The following SMARCA5 variants were observed in gnomAD, a reference collection of about 807,000 sequenced individuals.
SMARCA5 encodes the protein SWI/SNF-related matrix-associated actin-dependent regulator of chromatin subfamily A member 5.
A neutral mutation model predicts 140.4 loss-of-function variants in SMARCA5; 18 were observed. The ratio of observed to expected loss-of-function variants is 0.13; its 90% CI spans 0.09 to 0.19. The LOEUF (loss-of-function observed/expected upper bound fraction) is 0.19, where lower values mean the gene tolerates loss of function less well. SMARCA5 is among the 10% of genes least tolerant of loss of function. The pLI, the probability that SMARCA5 is intolerant of heterozygous loss-of-function variation, is 1.00. For missense variants in SMARCA5, 606 were observed against 1,276.8 expected, an observed-to-expected ratio of 0.47 and a Z score of 8.01; for synonymous variants, 449 against 419.6, an observed-to-expected ratio of 1.07 and a Z score of -0.86.
In SMARCA5 at chr4:143,556,456, A is replaced by G. The variant is rs1737759274; in HGVS notation, c.*3272A>G. On this transcript the variant is annotated 3_prime_UTR_variant, in exon 24 of 24. Coordinates refer to ENST00000283131, the MANE Select transcript of SMARCA5 (RefSeq NM_003601.4). Reference sequence around the variant, plus strand: ...TGAAAGGATGTGCTACTATATTTCAAACCAGTAGTTTTGGAGTAGAACATT... The same window carrying G: ...TGAAAGGATGTGCTACTATATTTCAGACCAGTAGTTTTGGAGTAGAACATT... 1 of 152,184 alleles carries G rather than the reference A, an allele frequency of 6.6e-6. No homozygotes were observed. Among genetic ancestry groups the G allele is most frequent in the South Asian group, 2.1e-4 (1 of 4,834 alleles). The allele number at this position is 152,184 out of a possible 1,614,324, so 9.4% of individuals were successfully genotyped here.
At position 143,524,962 on chromosome 4, in the gene SMARCA5, G is replaced by A. The variant is rs79223304; in HGVS notation, c.521-489G>A. On this transcript the variant is annotated intron_variant, in intron 4 of 23. Transcript: ENST00000283131. ...GTATATTTGGTAATTATTCTGGGGA[G>A]CAAAATAAGTAGTATACCCTGAAAG... Among the ~76,000 whole-genome samples the A allele has an allele frequency of 3.7e-3, 559 of 151,422 alleles. 11 individuals carry two copies. The highest frequency in any genetic ancestry group is 6.8e-3 in the East Asian group (35 of 5,156).
intron 2 of SMARCA5, among the ~76,000 whole-genome samples, chr4:143,518,180 A>T (rs1736880834): frequency 6.6e-6 from 1 of 152,140 alleles, no homozygotes; most frequent in African/African-American, 2.4e-5. Context: ...ACATGACATT[A>T]TATTGGAGTC....
At chr4:143,541,824 G>A (rs1348656054) in intron 14 of SMARCA5, among the ~76,000 whole-genome samples, 1 of 151,582 alleles carries the variant, frequency 6.6e-6, no homozygotes, top group Non-Finnish European at 1.5e-5. Flanking sequence ...CACCTGCCGT[G>A]TGTTTCTTGT....
intron 11 of SMARCA5, among the ~76,000 whole-genome samples, chr4:143,537,278 G>A (rs553600494): frequency 1.3e-5 from 2 of 152,152 alleles, no homozygotes; most frequent in Non-Finnish European, 2.9e-5. Context: ...CGAAGCAAAC[G>A]CCAGACACTA....
intron 6 of SMARCA5, among the ~76,000 whole-genome samples, chr4:143,527,589 G>A (rs1035344188): frequency 1.3e-5 from 2 of 151,928 alleles, no homozygotes; most frequent in East Asian, 1.9e-4. Flanking sequence ...AGAATTTCCC[G>A]ATCTAGTGGA....
intron 4 of SMARCA5, 76 bp from the exon 5 acceptor site, chr4:143,525,374 AT>A: frequency 5.8e-6 from 5 of 869,450 alleles, no homozygotes; most frequent in Non-Finnish European, 9.8e-6. Flanking sequence ...GTCAGTAGAT[AT>A]GTGTAGGCTT....
In SMARCA5 at chr4:143,513,811, G is replaced by A. The variant is rs1042536836; in HGVS notation, c.-114G>A. The A allele has an allele frequency of 2.4e-6, 3 of 1,240,100 alleles. No homozygotes were observed. The highest frequency in any genetic ancestry group is 2.3e-5 in the Admixed American group (1 of 43,028). The allele number at this position is 1,240,100 out of a possible 1,614,324, so 76.8% of individuals were successfully genotyped here. A position where few individuals can be genotyped will look rare whatever the true frequency, so the allele number is the denominator to read the frequency against. On this transcript the variant is annotated 5_prime_UTR_variant, in exon 1 of 24. Coordinates refer to ENST00000283131, the MANE Select transcript of SMARCA5 (RefSeq NM_003601.4). ...CGCGGCGCAGGGGAGCGCTCGGGTG[G>A]GAGTCTCGCTCCTCCACCAGTTTAT...
chr4:143,552,638 G>A (rs1363028067), intron 23 of SMARCA5, among the ~76,000 whole-genome samples: 1 of 151,972 alleles, frequency 6.6e-6, no homozygotes, highest in Non-Finnish European at 1.5e-5. Flanking sequence ...TTTACTGTTA[G>A]TCTCTAAGCT....
intron 14 of SMARCA5, among the ~76,000 whole-genome samples, chr4:143,541,861 CTTTT>C (rs559237701): frequency 2.3e-4 from 33 of 145,652 alleles, no homozygotes; most frequent in African/African-American, 8.0e-4. Context: ...CCATGAAACA[CTTTT>C]TTTTTTTTTG....
intron 10 of SMARCA5, among the ~76,000 whole-genome samples, chr4:143,535,638 A>G (rs551594610): frequency 7.2e-5 from 11 of 152,280 alleles, no homozygotes; most frequent in Non-Finnish European, 1.6e-4. Context: ...AAACAGAACT[A>G]AGATGAGTCA....
chr4:143,552,054 AT>A (rs1737650707), intron 23 of SMARCA5, among the ~76,000 whole-genome samples: 1 of 151,962 alleles, frequency 6.6e-6, no homozygotes, highest in South Asian at 2.1e-4. Flanking sequence ...AACATGGAAT[AT>A]CTATTTTTTT....
intron 3 of SMARCA5, among the ~76,000 whole-genome samples, chr4:143,523,581 G>A (rs2149817518): frequency 6.6e-6 from 1 of 152,272 alleles, no homozygotes; most frequent in East Asian, 1.9e-4. Context: ...AGGATGTACT[G>A]ATTATGATTA....
rs774551132 is a variant in SMARCA5, at chr4:143,544,793, C to T, written c.2229C>T (p.Ala743=). Residue 743 remains alanine, a synonymous_variant, in exon 17 of 24, where the codon GCC becomes GCT. Coordinates refer to ENST00000283131, the MANE Select transcript of SMARCA5 (RefSeq NM_003601.4). ...AACGAGAAAGAAAAGCCAACTATGC[C>T]GTTGATGCATATTTCAGGGAAGCTC... ...PPKRERKANY[A]VDAYFREALR... is the part of the protein sequence containing the mutation. 8.7e-6 allele frequency: 14 copies of T among 1,612,990 alleles called. No homozygotes were observed. Among genetic ancestry groups the T allele is most frequent in the Admixed American group, 1.7e-5 (1 of 59,944 alleles).
rs893913445 is a variant in SMARCA5, at chr4:143,513,717, A to G, written c.-208A>G. 2 of 589,304 alleles carry G rather than the reference A, an allele frequency of 3.4e-6. No individual in the cohort carries two copies. The highest frequency in any genetic ancestry group is 5.8e-6 in the Non-Finnish European group (2 of 342,738). The allele number at this position is 589,304 out of a possible 1,614,324, so 36.5% of individuals were successfully genotyped here. On this transcript the variant is annotated 5_prime_UTR_variant, in exon 1 of 24. Transcript: ENST00000283131. ...TGAGGTAAGCGCCGGTGGAACCTAG[A>G]GCCCCGCGGAAGAGCAGAACGTTTG... is the stretch of plus-strand genomic sequence containing the variant.
Position 143,540,559 on chromosome 4 carries a change from T to G in SMARCA5, c.1903+64T>G, listed in dbSNP as rs1737407582. On this transcript the variant is annotated intron_variant, in intron 14 of 23. Transcript: ENST00000283131. ...GACACAACCTGTTTTTGTTTGAAAA[T>G]CGTCTTAGAAGATTCTTGTTACTAA... 3.3e-5 allele frequency: 49 copies of G among 1,498,696 alleles called. No homozygotes were observed. In the South Asian group the frequency reaches 5.6e-4, roughly 17 times the overall value. 92.8% of individuals were successfully genotyped at this position (1,498,696 alleles called of 1,614,324 possible). A position where few individuals can be genotyped will look rare whatever the true frequency, so the allele number is the denominator to read the frequency against.
In SMARCA5 at chr4:143,513,721, C is replaced by A; in HGVS notation, c.-204C>A. On this transcript the variant is annotated 5_prime_UTR_variant, in exon 1 of 24. Transcript: ENST00000283131. Reference sequence around the variant, plus strand: ...GTAAGCGCCGGTGGAACCTAGAGCCCCGCGGAAGAGCAGAACGTTTGGGAG... The same window carrying A: ...GTAAGCGCCGGTGGAACCTAGAGCCACGCGGAAGAGCAGAACGTTTGGGAG... 1.7e-6 allele frequency: 1 copy of A among 597,978 alleles called. No individual in the cohort carries two copies. Among genetic ancestry groups the A allele is most frequent in the East Asian group, 3.2e-5 (1 of 31,536 alleles). 37.0% of individuals were successfully genotyped at this position (597,978 alleles called of 1,614,324 possible).
chr4:143,532,444 T>G (rs1737208854), intron 9 of SMARCA5, among the ~76,000 whole-genome samples: 1 of 152,162 alleles, frequency 6.6e-6, no homozygotes, highest in African/African-American at 2.4e-5. Flanking sequence ...CAACCAGATT[T>G]GGTAACTCTG....
Position 143,513,979 on chromosome 4 carries a change from A to G in SMARCA5, c.55A>G (p.Lys19Glu), listed in dbSNP as rs746508886. The change falls in exon 1 of 24, where the codon AAG becomes GAG. Residue 19 changes from lysine (K) to glutamate (E), a missense_variant. Around this residue, in one of 10 missense-constraint regions of SMARCA5, gnomAD observed 164 missense variants for 128.4 expected, o/e 1.28. Transcript: ENST00000283131. ...PPPPPESAPS[K>E]PAASIASGGS... The stretch of plus-strand genomic sequence containing the variant: ...CCCGCCTCCCGAGAGCGCGCCTTCC[A>G]AGCCCGCAGCCTCGATCGCCAGCGG... 36 of 1,560,586 alleles carry G rather than the reference A, an allele frequency of 2.3e-5. No homozygotes were observed. The South Asian group carries it at 3.7e-4, about 16-fold the overall frequency.
At chr4:143,517,867 T>G (rs2149816003) in intron 2 of SMARCA5, among the ~76,000 whole-genome samples, 2 of 152,318 alleles carry the variant, frequency 1.3e-5, no homozygotes, top group South Asian at 4.1e-4. Context: ...ATTTTTGTAA[T>G]TATGGCACAG....
Sources: allele counts gnomAD v4.1 joint callset (sites outside exome capture counted in the v4.1 genomes callset), GRCh38; gene constraint gnomAD v4.1.1; regional missense constraint gnomAD v4.1.1; transcripts MANE v1.5; gene names NCBI Gene and HGNC (gene_info 2026-07-23, HGNC 2026-07-21).